The following SPATS2 variants were observed in gnomAD, a reference collection of about 807,000 sequenced individuals.
SPATS2 encodes spermatogenesis-associated serine-rich protein 2.
Under a neutral mutation model 63.7 loss-of-function variants are expected in SPATS2, and 38 were observed. That is an observed-to-expected ratio of 0.60 (90% CI 0.46 to 0.78). The LOEUF is 0.78. Ranked by LOEUF, SPATS2 falls within the 30% of genes least tolerant of loss-of-function variation. The pLI is 0.00. For synonymous variants in SPATS2, 207 were observed against 232.9 expected (o/e 0.89, Z 1.01); for missense variants, 588 against 666.2 (o/e 0.88, Z 1.29).
At chr12:49,503,024 T>C (rs1404403132) in intron 9 of SPATS2, among the ~76,000 whole-genome samples, 2 of 152,214 alleles carry the variant, frequency 1.3e-5, no homozygotes, top group African/African-American at 4.8e-5. Flanking sequence ...TTGCACTGCA[T>C]TCTTGTCATA....
chr12:49,507,966 C>A (rs1565756645), intron 9 of SPATS2, among the ~76,000 whole-genome samples: 1 of 152,180 alleles, frequency 6.6e-6, no homozygotes, highest in African/African-American at 2.4e-5. Flanking sequence ...ATGTCAGAAA[C>A]TTTTATGTAC....
chr12:49,391,466 C>T (rs1311937783), intron 2 of SPATS2, among the ~76,000 whole-genome samples: 5 of 152,182 alleles, frequency 3.3e-5, no homozygotes, highest in Non-Finnish European at 5.9e-5. Flanking sequence ...GAGCTGAGAT[C>T]GTGCCATTAC....
At chr12:49,426,257 C>A in intron 2 of SPATS2, among the ~76,000 whole-genome samples, 1 of 150,904 alleles carries the variant, frequency 6.6e-6, no homozygotes. Flanking sequence ...CTTAAGGGTA[C>A]AACGTAATGA....
At chr12:49,372,987 T>TGTGTGTGA (rs1265449101) in intron 2 of SPATS2, among the ~76,000 whole-genome samples, 1 of 126,890 alleles carries the variant, frequency 7.9e-6, no homozygotes, top group East Asian at 2.0e-4. Flanking sequence ...TGTGTGTGTG[T>TGTGTGTGA]GTGTGATGGA....
At chr12:49,479,478 AG>A in intron 3 of SPATS2, among the ~76,000 whole-genome samples, 1 of 152,304 alleles carries the variant, frequency 6.6e-6, no homozygotes, top group East Asian at 1.9e-4. Flanking sequence ...TGGCCTCAAG[AG>A]TACACGGATG....
At chr12:49,399,656 C>T (rs989916707) in intron 2 of SPATS2, among the ~76,000 whole-genome samples, 15 of 152,094 alleles carry the variant, frequency 9.9e-5, no homozygotes, top group African/African-American at 3.6e-4. Flanking sequence ...AAAGTTGTTT[C>T]GGATTGGTAG....
At chr12:49,505,978 A>T (rs1388179028) in intron 9 of SPATS2, among the ~76,000 whole-genome samples, 1 of 152,078 alleles carries the variant, frequency 6.6e-6, no homozygotes, top group Non-Finnish European at 1.5e-5. Context: ...AGTGATACAC[A>T]TTCAGTAGAA....
chr12:49,474,769 T>C (rs979537633), intron 3 of SPATS2, among the ~76,000 whole-genome samples: 3 of 152,196 alleles, frequency 2.0e-5, no homozygotes, highest in Non-Finnish European at 4.4e-5. Flanking sequence ...AATGAAATAT[T>C]ATTCAGTGAT....
rs555581696 is a variant in SPATS2 at position 49,407,771 on chromosome 12, A to G, written c.-244+36481A>G. On this transcript the variant is annotated intron_variant, in intron 2 of 13. Transcript: ENST00000552918. ...TTTTATTGCTATCTCCCCATAGGCT[A>G]AGACAGGGGTTGCCAAGCCAAAAAT... Among the ~76,000 whole-genome samples the G allele has an allele frequency of 6.6e-4, 100 of 152,342 alleles. 1 individual carries two copies. Among genetic ancestry groups the G allele is most frequent in the African/African-American group, 2.4e-3 (98 of 41,590 alleles).
chr12:49,462,173 C>T, intron 3 of SPATS2: 1 of 612,188 alleles, frequency 1.6e-6, no homozygotes, highest in Non-Finnish European at 2.9e-6. Context: ...TGTGTTTTGC[C>T]AGAGCTGTAG....
chr12:49,452,923 C>T (rs1592411191), intron 2 of SPATS2, among the ~76,000 whole-genome samples: 3 of 151,628 alleles, frequency 2.0e-5, no homozygotes, highest in Admixed American at 1.3e-4. Context: ...TTTGGGAGGC[C>T]GAGGCGGGCG....
At chr12:49,430,757 G>T (rs1945170794) in intron 2 of SPATS2, among the ~76,000 whole-genome samples, 1 of 152,044 alleles carries the variant, frequency 6.6e-6, no homozygotes, top group Non-Finnish European at 1.5e-5. Context: ...CTGGAGTGCA[G>T]TGGCACCATA....
chr12:49,441,139 G>A (rs982014137), intron 2 of SPATS2, among the ~76,000 whole-genome samples: 3 of 152,090 alleles, frequency 2.0e-5, no homozygotes, highest in Admixed American at 1.3e-4. Flanking sequence ...AATGATCATC[G>A]TTTTCTAATT....
chr12:49,393,734 C>T (rs1944459338), intron 2 of SPATS2, among the ~76,000 whole-genome samples: 1 of 152,136 alleles, frequency 6.6e-6, no homozygotes, highest in South Asian at 2.1e-4. Context: ...CTCCTTTGTC[C>T]TTTTGATGTG....
intron 2 of SPATS2, among the ~76,000 whole-genome samples, chr12:49,443,057 C>A (rs1945450566): frequency 6.6e-6 from 1 of 152,056 alleles, no homozygotes; most frequent in South Asian, 2.1e-4. Context: ...TAAGGTTCAT[C>A]CTTGTAGCAT....
At chr12:49,437,212 G>C (rs1483981804) in intron 2 of SPATS2, among the ~76,000 whole-genome samples, 1 of 151,418 alleles carries the variant, frequency 6.6e-6, no homozygotes, top group South Asian at 2.1e-4. Flanking sequence ...GGGCAGAGAC[G>C]CTCCTCACAT....
intron 6 of SPATS2, 144 bp from the exon 7 acceptor site, chr12:49,494,597 A>G (rs1167609463): frequency 9.1e-6 from 7 of 767,182 alleles, no homozygotes; most frequent in South Asian, 2.5e-5. Context: ...ATAGTTCAGC[A>G]TATGTGAAAA....
At chr12:49,514,333 A>G (rs1326337836) in intron 9 of SPATS2, 3 of 490,346 alleles carry the variant, frequency 6.1e-6, no homozygotes, top group Admixed American at 7.5e-5. Context: ...CAATATTGCA[A>G]TATAAAAGGG....
At chr12:49,416,976 GCTT>G (rs1189697246) in intron 2 of SPATS2, among the ~76,000 whole-genome samples, 1 of 152,138 alleles carries the variant, frequency 6.6e-6, no homozygotes, top group African/African-American at 2.4e-5. Flanking sequence ...AACGTGTCAG[GCTT>G]TTCTCTTCCC....
Sources: gnomAD v4.1 joint callset for allele counts (sites outside exome capture counted in the v4.1 genomes callset) on GRCh38, gnomAD v4.1.1 for gene constraint, MANE v1.5 for transcripts, NCBI Gene and HGNC (gene_info 2026-07-23, HGNC 2026-07-21) for gene names.